Variants in LHFPL3 observed in about 807,000 individuals in gnomAD.
LHFPL3 encodes LHFPL tetraspan subfamily member 3.
A neutral mutation model predicts 19.3 loss-of-function variants in LHFPL3; 5 were observed. The observed-to-expected ratio is 0.26, with a 90% confidence interval of 0.14 to 0.54. The LOEUF (loss-of-function observed/expected upper bound fraction) is 0.54. Among genes scored for constraint, LHFPL3 ranks in the 20% least tolerant of loss-of-function variants. The probability of loss-of-function intolerance (pLI) is 0.94; values close to 1 mark genes in which losing one functional copy is unlikely to be tolerated. For missense variants in LHFPL3, 249 were observed against 307.4 expected, an observed-to-expected ratio of 0.81 and a Z score of 1.42; for synonymous variants, 133 against 126.2, an observed-to-expected ratio of 1.05 and a Z score of -0.36.
chr7:104,583,359 TA>T (rs955434640), intron 1 of LHFPL3, among the ~76,000 whole-genome samples: 7 of 152,174 alleles, frequency 4.6e-5, no homozygotes, highest in African/African-American at 1.4e-4. Context: ...ATAAAAACCC[TA>T]GAAGAAAACC....
chr7:104,835,583 CTT>C (rs71155528), intron 2 of LHFPL3, among the ~76,000 whole-genome samples: 40 of 143,774 alleles, frequency 2.8e-4, no homozygotes, highest in South Asian at 1.3e-3. Flanking sequence ...ACTTTGTTTT[CTT>C]TTTTTTTTTT....
At chr7:104,726,536 T>C (rs1793595373) in intron 1 of LHFPL3, among the ~76,000 whole-genome samples, 1 of 152,162 alleles carries the variant, frequency 6.6e-6, no homozygotes. Context: ...CCTGTGTCTA[T>C]GTGTTCACAT....
chr7:104,602,426 T>C (rs938933358), intron 1 of LHFPL3, among the ~76,000 whole-genome samples: 1 of 152,202 alleles, frequency 6.6e-6, no homozygotes, highest in Non-Finnish European at 1.5e-5. Context: ...ACAAGGCAAC[T>C]AGTGGACAGG....
chr7:104,532,043 G>C (rs1440462799), intron 1 of LHFPL3, among the ~76,000 whole-genome samples: 3 of 152,150 alleles, frequency 2.0e-5, no homozygotes. Context: ...CTGACTTATA[G>C]ATCCTGGTGC....
At chr7:104,598,654 A>G (rs959654332) in intron 1 of LHFPL3, among the ~76,000 whole-genome samples, 20 of 152,194 alleles carry the variant, frequency 1.3e-4, no homozygotes, top group African/African-American at 4.8e-4. Flanking sequence ...TTAGCAGAAA[A>G]ACACCAGAGA....
intron 1 of LHFPL3, among the ~76,000 whole-genome samples, chr7:104,594,442 C>T (rs1239933771): frequency 6.6e-6 from 1 of 152,176 alleles, no homozygotes; most frequent in Non-Finnish European, 1.5e-5. Context: ...GTGGGTAACT[C>T]AACCTTTCTC....
rs368991329 is a variant in LHFPL3 at position 104,354,660 on chromosome 7, T to C, written c.445+25436T>C. Among the ~76,000 whole-genome samples, 23 of 152,362 alleles carry C rather than the reference T, an allele frequency of 1.5e-4. No homozygotes were observed. In the East Asian group the frequency reaches 3.7e-3, roughly 24 times the overall value. On this transcript the variant is annotated intron_variant, in intron 1 of 2. Transcript: ENST00000424859. ...AATTATCTCTTCATATGCTTGTTAG[T>C]TGAACTTTTTCTACTGCTACCCTAT...
At chr7:104,714,437 A>T (rs1346575966) in intron 1 of LHFPL3, among the ~76,000 whole-genome samples, 2 of 152,316 alleles carry the variant, frequency 1.3e-5, no homozygotes, top group Non-Finnish European at 2.9e-5. Context: ...CTAAAAAAAA[A>T]CTTTAAGGAA....
rs201788532 is a variant in LHFPL3, at chr7:104,516,603, T to TCA, written c.445+187383_445+187384dup. Among the ~76,000 whole-genome samples, 952 of 152,190 alleles carry TCA rather than the reference T, an allele frequency of 6.3e-3. 11 individuals are homozygous for TCA. The highest frequency in any genetic ancestry group is 0.021 in the African/African-American group (876 of 41,518). Reference sequence around the variant, plus strand: ...ATCAAAACCACAGTGAGATATCCTCTCACACTAGTCAGAATGGCAATGATT... The same window carrying TCA: ...ATCAAAACCACAGTGAGATATCCTCTCACACACTAGTCAGAATGGCAATGATT... On this transcript the variant is annotated intron_variant, in intron 1 of 2. Transcript: ENST00000424859.
chr7:104,522,522 A>G (rs1355643716), intron 1 of LHFPL3, among the ~76,000 whole-genome samples: 2 of 152,076 alleles, frequency 1.3e-5, no homozygotes, highest in Non-Finnish European at 2.9e-5. Context: ...TGTACCCTAA[A>G]ACTTAAAGTA....
intron 2 of LHFPL3, among the ~76,000 whole-genome samples, chr7:104,834,430 C>T (rs1246498163): frequency 6.6e-6 from 1 of 152,046 alleles, no homozygotes; most frequent in Non-Finnish European, 1.5e-5. Flanking sequence ...TTCTGTGTCT[C>T]TTAGCTGCCC....
chr7:104,614,808 T>C (rs1791301405), intron 1 of LHFPL3, among the ~76,000 whole-genome samples: 2 of 151,306 alleles, frequency 1.3e-5, no homozygotes, highest in South Asian at 4.2e-4. Context: ...TAGAATGCAG[T>C]GGCACAATCA....
At chr7:104,856,578 C>A (rs1791510583) in intron 2 of LHFPL3, among the ~76,000 whole-genome samples, 1 of 152,132 alleles carries the variant, frequency 6.6e-6, no homozygotes, top group African/African-American at 2.4e-5. Context: ...AACCAGGAGG[C>A]TCTTATGTGG....
intron 1 of LHFPL3, among the ~76,000 whole-genome samples, chr7:104,711,431 A>C (rs1052456592): frequency 6.6e-6 from 1 of 152,218 alleles, no homozygotes; most frequent in Non-Finnish European, 1.5e-5. Context: ...GGGAATGGTC[A>C]GTAGCCCAAA....
At chr7:104,765,718 C>T (rs1794445857) in intron 2 of LHFPL3, among the ~76,000 whole-genome samples, 1 of 152,190 alleles carries the variant, frequency 6.6e-6, no homozygotes, top group Non-Finnish European at 1.5e-5. Flanking sequence ...CCCATGATGA[C>T]CTTGTAGCAG....
chr7:104,382,228 G>C (rs1196963874), intron 1 of LHFPL3, among the ~76,000 whole-genome samples: 1 of 152,128 alleles, frequency 6.6e-6, no homozygotes, highest in Non-Finnish European at 1.5e-5. Flanking sequence ...CAAATTCTCG[G>C]GCTCCATCCA....
At chr7:104,415,515 A>C (rs1791604592) in intron 1 of LHFPL3, among the ~76,000 whole-genome samples, 1 of 152,164 alleles carries the variant, frequency 6.6e-6, no homozygotes. Flanking sequence ...ATATTATATA[A>C]AAATATGAAA....
chr7:104,478,295 T>C (rs1026500562), intron 1 of LHFPL3, among the ~76,000 whole-genome samples: 3 of 152,156 alleles, frequency 2.0e-5, no homozygotes, highest in Non-Finnish European at 2.9e-5. Context: ...GAAAGATATA[T>C]GGTCTGCCAG....
chr7:104,825,311 G>A (rs73417622), intron 2 of LHFPL3, among the ~76,000 whole-genome samples: 1,745 of 151,862 alleles, frequency 0.011, 62 homozygotes, highest in African/African-American at 0.039. Flanking sequence ...TCCATATGAT[G>A]GGTTGGTACA....
Sources: gnomAD v4.1 joint callset for allele counts (sites outside exome capture counted in the v4.1 genomes callset) on GRCh38, gnomAD v4.1.1 for gene constraint, MANE v1.5 for transcripts, NCBI Gene and HGNC (gene_info 2026-07-23, HGNC 2026-07-21) for gene names.